SIPA1L2: variants seen among roughly 807,000 people sequenced by gnomAD.
SIPA1L2 encodes signal induced proliferation associated 1 like 2.
A neutral mutation model predicts 163.9 loss-of-function variants in SIPA1L2; 56 were observed. The observed-to-expected ratio is 0.34, with a 90% CI of 0.28 to 0.43. The LOEUF (loss-of-function observed/expected upper bound fraction) is 0.43. SIPA1L2 is among the 20% of genes least tolerant of loss of function. The pLI is 1.00. For missense variants in SIPA1L2, 1,974 were observed against 2,193.5 expected (o/e 0.90, Z 2.00); for synonymous variants, 877 against 865.7 (o/e 1.01, Z -0.23).
intron 1 of SIPA1L2, among the ~76,000 whole-genome samples, chr1:232,581,018 T>C (rs1317786597): frequency 2.6e-5 from 4 of 152,158 alleles, no homozygotes; most frequent in Non-Finnish European, 5.9e-5. Context: ...ATGCAGAAGA[T>C]GGAGTCTGCA....
At chr1:232,577,251 T>C (rs1660126349) in intron 1 of SIPA1L2, among the ~76,000 whole-genome samples, 1 of 152,196 alleles carries the variant, frequency 6.6e-6, no homozygotes, top group Admixed American at 6.5e-5. Flanking sequence ...ACAGCACATG[T>C]GTTTACAGCA....
At position 232,428,523 on chromosome 1, in the gene SIPA1L2, T is replaced by G; in HGVS notation, c.4298A>C (p.His1433Pro). Residue 1433 changes from histidine to proline, a missense_variant, in exon 17 of 23, where the codon CAT becomes CCT. By Grantham distance (77) the His-to-Pro change is moderately conservative. Around this residue, in one of 3 missense-constraint regions of SIPA1L2, gnomAD observed 1,079 missense variants for 1,150.7 expected, o/e 0.94. Transcript: ENST00000674635. ...AACAGCATCTCCCACCACTGTCTGA[T>G]GCTGAGTTGCTGTGGACATGACATC... ...EMDVMSTATQHQTVVGDAVAE... is the reference protein window; with the variant it reads ...EMDVMSTATQPQTVVGDAVAE... 2 of 1,592,130 alleles carry G rather than the reference T, an allele frequency of 1.3e-6. No individual in the cohort carries two copies. The highest frequency in any genetic ancestry group is 1.7e-6 in the Non-Finnish European group (2 of 1,171,440).
intron 2 of SIPA1L2, chr1:232,561,657 A>G (rs959767411): frequency 1.3e-5 from 2 of 152,254 alleles, no homozygotes; most frequent in African/African-American, 4.8e-5. Context: ...CTACAGATAG[A>G]AAACAAAAGC....
chr1:232,457,725 C>T (rs1028915510), intron 10 of SIPA1L2, among the ~76,000 whole-genome samples: 4 of 152,120 alleles, frequency 2.6e-5, no homozygotes, highest in African/African-American at 9.7e-5. Context: ...TTCCCCTTAG[C>T]CCCTCCTCTA....
intron 19 of SIPA1L2, among the ~76,000 whole-genome samples, chr1:232,414,896 T>C (rs16857038): frequency 0.13 from 19,145 of 152,162 alleles, 1,331 homozygotes; most frequent in Admixed American, 0.16. Context: ...CCTGAAGGGG[T>C]AGCCTCAACC....
intron 1 of SIPA1L2, among the ~76,000 whole-genome samples, chr1:232,587,007 G>A (rs567744871): frequency 6.6e-6 from 1 of 152,314 alleles, no homozygotes; most frequent in East Asian, 1.9e-4. Context: ...GGGAGACTGA[G>A]GATGACGGTA....
At chr1:232,582,479 G>A (rs774579660) in intron 1 of SIPA1L2, among the ~76,000 whole-genome samples, 1 of 152,120 alleles carries the variant, frequency 6.6e-6, no homozygotes. Flanking sequence ...TGGTATGAAC[G>A]ACGTGATTTC....
intron 2 of SIPA1L2, among the ~76,000 whole-genome samples, chr1:232,554,245 G>A (rs1435716906): frequency 6.6e-6 from 1 of 152,174 alleles, no homozygotes; most frequent in African/African-American, 2.4e-5. Flanking sequence ...GAGCAAACCA[G>A]AAGAGAAGGA....
At chr1:232,476,298 T>G (rs906299704) in intron 7 of SIPA1L2, among the ~76,000 whole-genome samples, 3 of 152,068 alleles carry the variant, frequency 2.0e-5, no homozygotes, top group African/African-American at 7.2e-5. Flanking sequence ...CTCAGAAACC[T>G]AGGGGCTTGG....
chr1:232,403,555 G>A lies in SIPA1L2; in HGVS notation c.4833C>T (p.Ser1611=), dbSNP rs1416707904. 1.2e-6 allele frequency: 2 copies of A among 1,613,720 alleles called. No individual in the cohort carries two copies. The highest frequency in any genetic ancestry group is 1.7e-5 in the Admixed American group (1 of 59,964). Residue 1611 remains serine, a synonymous_variant, in exon 21 of 23, where the codon TCC becomes TCT. Transcript: ENST00000674635. ...HTSYLDQRVA[S]FCTLTDMQHG... ...GCTGCATATCTGTCAGGGTGCAGAA[G>A]GATGCCACCCTCTGGTCTGGGGAGG...
In SIPA1L2 at chr1:232,596,787, C is replaced by A. The variant is rs1537579; in HGVS notation, c.-318-22565G>T. ...GTTAGTGAGAAGTGCTTCTTCCCCG[C>A]TTCGCCTGTGAGGGGATCGATGAGT... On this transcript the variant is annotated intron_variant, in intron 1 of 22. Coordinates refer to ENST00000674635, the MANE Select transcript of SIPA1L2 (RefSeq NM_020808.5). 2.3e-3 allele frequency among the ~76,000 whole-genome samples: 352 copies of A among 152,348 alleles called. 3 individuals carry two copies. Among genetic ancestry groups the A allele is most frequent in the African/African-American group, 7.9e-3 (329 of 41,582 alleles).
chr1:232,574,636 C>A (rs961450812), intron 1 of SIPA1L2, among the ~76,000 whole-genome samples: 6 of 152,172 alleles, frequency 3.9e-5, no homozygotes, highest in Middle Eastern at 3.4e-3. Context: ...TTCAAAATTT[C>A]TCAGTTTTAA....
At chr1:232,424,841 G>A (rs1183349527) in intron 18 of SIPA1L2, among the ~76,000 whole-genome samples, 2 of 151,922 alleles carry the variant, frequency 1.3e-5, no homozygotes, top group Non-Finnish European at 2.9e-5. Flanking sequence ...AAAAAAACTT[G>A]GCAATGAATA....
At chr1:232,551,943 G>C (rs144378324) in intron 2 of SIPA1L2, among the ~76,000 whole-genome samples, 2 of 152,172 alleles carry the variant, frequency 1.3e-5, no homozygotes, top group Non-Finnish European at 1.5e-5. Flanking sequence ...GGGTTTAAGC[G>C]ATTCTCCTGC....
chr1:232,459,848 G>A (rs1029917254), intron 10 of SIPA1L2, among the ~76,000 whole-genome samples: 8 of 152,096 alleles, frequency 5.3e-5, no homozygotes, highest in African/African-American at 1.9e-4. Flanking sequence ...AATGTGTGGG[G>A]CAATTATGCT....
At chr1:232,594,897 T>C (rs1661173624) in intron 1 of SIPA1L2, among the ~76,000 whole-genome samples, 1 of 152,296 alleles carries the variant, frequency 6.6e-6, no homozygotes, top group African/African-American at 2.4e-5. Context: ...CACCTGAAGA[T>C]CTGCAGCGCC....
chr1:232,617,303 G>A (rs1662552059), intron 1 of SIPA1L2, among the ~76,000 whole-genome samples: 1 of 152,220 alleles, frequency 6.6e-6, no homozygotes, highest in Non-Finnish European at 1.5e-5. Flanking sequence ...ATGAATGGGT[G>A]GGATGTAAGA....
intron 2 of SIPA1L2, among the ~76,000 whole-genome samples, chr1:232,570,641 C>T (rs977695125): frequency 2.0e-5 from 3 of 152,042 alleles, no homozygotes; most frequent in African/African-American, 4.8e-5. Context: ...AAAAGACTAC[C>T]TGGGACACAG....
At chr1:232,497,356 C>T (rs1056516005) in intron 3 of SIPA1L2, among the ~76,000 whole-genome samples, 7 of 151,148 alleles carry the variant, frequency 4.6e-5, no homozygotes, top group African/African-American at 1.7e-4. Flanking sequence ...GAGGCAGAGT[C>T]GATGGGGGGA....
Sources: gnomAD v4.1 joint callset for allele counts (sites outside exome capture counted in the v4.1 genomes callset) on GRCh38, gnomAD v4.1.1 for gene constraint, gnomAD v4.1.1 regional missense constraint, MANE v1.5 for transcripts, NCBI Gene and HGNC (gene_info 2026-07-23, HGNC 2026-07-21) for gene names.